The following SMC5 variants were observed in gnomAD, a reference collection of about 807,000 sequenced individuals.
SMC5 encodes the protein structural maintenance of chromosomes protein 5.
A neutral mutation model predicts 148.3 loss-of-function variants in SMC5; 88 were observed. The ratio of observed to expected loss-of-function variants is 0.59; its 90% CI spans 0.50 to 0.71. The LOEUF is 0.71. SMC5 is among the 30% of genes least tolerant of loss of function. The pLI, the probability that SMC5 is intolerant of heterozygous loss-of-function variation, is 0.00. For missense variants in SMC5, 1,142 were observed against 1,298.9 expected, an observed-to-expected ratio of 0.88 and a Z score of 1.86; for synonymous variants, 421 against 432.8, an observed-to-expected ratio of 0.97 and a Z score of 0.34.
At chr9:70,311,711 A>G (rs921108074) in intron 11 of SMC5, 11 of 152,138 alleles carry the variant, frequency 7.2e-5, no homozygotes, top group Non-Finnish European at 1.5e-4. Flanking sequence ...CAAAAAAAAA[A>G]AAAAATGTTT....
chr9:70,287,417 GA>G (rs1179823558), intron 8 of SMC5, among the ~76,000 whole-genome samples: 1 of 152,052 alleles, frequency 6.6e-6, no homozygotes, highest in Non-Finnish European at 1.5e-5. Context: ...TGGGCCTGAC[GA>G]CAAAATTATG....
intron 17 of SMC5, among the ~76,000 whole-genome samples, chr9:70,334,656 C>T (rs1242288561): frequency 6.6e-6 from 1 of 151,952 alleles, no homozygotes; most frequent in Non-Finnish European, 1.5e-5. Flanking sequence ...TATAATGTGA[C>T]AGAGACTTTA....
At chr9:70,278,141 CT>C (rs545684294) in intron 4 of SMC5, among the ~76,000 whole-genome samples, 3 of 150,864 alleles carry the variant, frequency 2.0e-5, no homozygotes, top group South Asian at 2.1e-4. Flanking sequence ...TTGAAATTGC[CT>C]TTTTTTTTCC....
intron 17 of SMC5, among the ~76,000 whole-genome samples, chr9:70,339,353 TG>T (rs1412855019): frequency 6.7e-6 from 1 of 150,248 alleles, no homozygotes; most frequent in African/African-American, 2.5e-5. Flanking sequence ...GGCGTGAATC[TG>T]GGAGGCGGAG....
chr9:70,344,786 C>T (rs1009417521), intron 18 of SMC5: 4 of 151,926 alleles, frequency 2.6e-5, no homozygotes, highest in African/African-American at 9.7e-5. Context: ...TAATTATGTA[C>T]CTCTGTGACA....
intron 10 of SMC5, among the ~76,000 whole-genome samples, chr9:70,304,592 C>T (rs979177398): frequency 3.9e-5 from 6 of 152,014 alleles, no homozygotes; most frequent in East Asian, 1.9e-4. Context: ...GAGGCTGAGG[C>T]GCAGGAATTG....
chr9:70,347,103 A>C lies in SMC5; in HGVS notation c.2606A>C (p.Asp869Ala). 6.2e-7 allele frequency: 1 copy of C among 1,613,922 alleles called. No homozygotes were observed. Among genetic ancestry groups the C allele is most frequent in the Non-Finnish European group, 8.5e-7 (1 of 1,179,936 alleles). Residue 869 changes from aspartate (D) to alanine (A), a missense_variant, in exon 20 of 25, where the codon GAT becomes GCT. Physicochemically the swap from Asp to Ala is moderately radical, Grantham distance 126. Around this residue, in one of 5 missense-constraint regions of SMC5, gnomAD observed 743 missense variants for 835.7 expected, o/e 0.89. Transcript: ENST00000361138. ...QDLPNTLDEI[D>A]ALLTEERSRA... Reference sequence around the variant, plus strand: ...CTTCCAAACACATTGGATGAAATTGATGCTTTATTAACTGAAGAAAGATCA... The same window carrying C: ...CTTCCAAACACATTGGATGAAATTGCTGCTTTATTAACTGAAGAAAGATCA...
At chr9:70,306,091 A>G (rs2035488158) in intron 11 of SMC5, among the ~76,000 whole-genome samples, 1 of 152,184 alleles carries the variant, frequency 6.6e-6, no homozygotes, top group Admixed American at 6.5e-5. Flanking sequence ...CCTACATAAT[A>G]TGTAGTATAA....
In SMC5 at chr9:70,346,595, A is replaced by G. The variant is rs2118831298; in HGVS notation, c.2524-10A>G. On this transcript the variant is annotated splice_polypyrimidine_tract_variant and intron_variant, in intron 18 of 24. Transcript: ENST00000361138. Reference sequence around the variant, plus strand: ...GCCCCACATATTCTGGACCCATTCTACCAATTCAGCAAGTACCCACCATTC... The same window carrying G: ...GCCCCACATATTCTGGACCCATTCTGCCAATTCAGCAAGTACCCACCATTC... 1.2e-6 allele frequency: 2 copies of G among 1,613,764 alleles called. No individual in the cohort carries two copies. The highest frequency in any genetic ancestry group is 1.1e-5 in the South Asian group (1 of 91,076).
intron 17 of SMC5, among the ~76,000 whole-genome samples, chr9:70,342,473 T>G (rs2036555050): frequency 1.3e-5 from 2 of 152,260 alleles, no homozygotes; most frequent in Admixed American, 6.5e-5. Context: ...TGGAATGTGC[T>G]TAGGCCATTC....
Position 70,352,446 on chromosome 9 carries a change from T to C in SMC5, c.*115T>C. On this transcript the variant is annotated 3_prime_UTR_variant, in exon 25 of 25. Coordinates refer to ENST00000361138, the MANE Select transcript of SMC5 (RefSeq NM_015110.4). ...CGAAAAGCAGTTATTTTTGGAAACC[T>C]GCTTTTAAATACAAATAGGTTGATA... is the stretch of plus-strand genomic sequence containing the variant. 9.7e-7 allele frequency: 1 copy of C among 1,030,206 alleles called. No individual in the cohort carries two copies. Among genetic ancestry groups the C allele is most frequent in the Non-Finnish European group, 1.4e-6 (1 of 714,120 alleles). The allele number at this position is 1,030,206 out of a possible 1,614,324, so 63.8% of individuals were successfully genotyped here.
chr9:70,281,447 GT>G (rs2034747871), intron 6 of SMC5, among the ~76,000 whole-genome samples: 2 of 152,146 alleles, frequency 1.3e-5, no homozygotes, highest in Admixed American at 6.5e-5. Flanking sequence ...TCAACAGATA[GT>G]TTTTGATTGT....
chr9:70,267,389 C>T (rs1269864916), intron 2 of SMC5, among the ~76,000 whole-genome samples: 2 of 152,050 alleles, frequency 1.3e-5, no homozygotes, highest in African/African-American at 4.8e-5. Flanking sequence ...ATGTAAATTT[C>T]AATTATATTG....
At chr9:70,308,833 T>A (rs1314422459) in intron 11 of SMC5, among the ~76,000 whole-genome samples, 1 of 152,080 alleles carries the variant, frequency 6.6e-6, no homozygotes, top group Non-Finnish European at 1.5e-5. Flanking sequence ...CGTAGACATA[T>A]CGATTTTTTT....
At chr9:70,312,832 T>C (rs1414942143) in intron 11 of SMC5, among the ~76,000 whole-genome samples, 1 of 152,212 alleles carries the variant, frequency 6.6e-6, no homozygotes, top group Non-Finnish European at 1.5e-5. Flanking sequence ...TTACCAATAT[T>C]TTACAAAGGA....
chr9:70,264,011 T>C (rs905753269), intron 1 of SMC5, among the ~76,000 whole-genome samples: 1 of 152,246 alleles, frequency 6.6e-6, no homozygotes, highest in Non-Finnish European at 1.5e-5. Flanking sequence ...ATCTTTGATA[T>C]AGTGTCCAGT....
At chr9:70,337,042 G>T (rs984834344) in intron 17 of SMC5, among the ~76,000 whole-genome samples, 1 of 152,080 alleles carries the variant, frequency 6.6e-6, no homozygotes, top group African/African-American at 2.4e-5. Flanking sequence ...ATCAGATCTC[G>T]TGAGACTTAC....
In SMC5 at chr9:70,286,210, T is replaced by G; in HGVS notation, c.992T>G (p.Ile331Ser). 1 of 1,532,960 alleles carries G rather than the reference T, an allele frequency of 6.5e-7. No individual in the cohort carries two copies. Among genetic ancestry groups the G allele is most frequent in the South Asian group, 1.1e-5 (1 of 88,060 alleles). 95.0% of individuals were successfully genotyped at this position (1,532,960 alleles called of 1,614,324 possible). Residue 331 changes from isoleucine (I) to serine (S), a missense_variant, in exon 8 of 25, where the codon ATT becomes AGT. By Grantham distance (142) the Ile-to-Ser change is moderately radical. Around this residue, in one of 5 missense-constraint regions of SMC5, gnomAD observed 743 missense variants for 835.7 expected, o/e 0.89. Transcript: ENST00000361138. Reference protein sequence around the residue: ...EARIKEKATDIKEASQKCKQK... With the variant: ...EARIKEKATDSKEASQKCKQK... ...GGTTTAATTTTACAGGCAACAGATATTAAGGAGGCATCTCAAAAATGCAAA... is the reference window on the plus strand; with the variant it reads ...GGTTTAATTTTACAGGCAACAGATAGTAAGGAGGCATCTCAAAAATGCAAA...
chr9:70,280,942 T>C, intron 6 of SMC5, 43 bp downstream of exon 6: 1 of 1,604,010 alleles, frequency 6.2e-7, no homozygotes, highest in South Asian at 1.1e-5. Context: ...TTTCTTTAAG[T>C]AGCAGAGTAA....
Sources: allele counts gnomAD v4.1 joint callset (sites outside exome capture counted in the v4.1 genomes callset), GRCh38; gene constraint gnomAD v4.1.1; regional missense constraint gnomAD v4.1.1; transcripts MANE v1.5; gene names NCBI Gene and HGNC (gene_info 2026-07-23, HGNC 2026-07-21).